SEPTIN2: variants seen among roughly 807,000 people sequenced by gnomAD.
SEPTIN2 encodes septin 2.
A neutral mutation model predicts 46.5 loss-of-function variants in SEPTIN2; 34 were observed. That is an observed-to-expected ratio of 0.73 (90% CI 0.56 to 0.97). The LOEUF is 0.97. Among genes scored for constraint, SEPTIN2 ranks in the 50% least tolerant of loss-of-function variants. The probability of loss-of-function intolerance (pLI) is 0.00; values close to 1 mark genes in which losing one functional copy is unlikely to be tolerated. For synonymous variants in SEPTIN2, 175 were observed against 153.4 expected (o/e 1.14, Z -1.04); for missense variants, 347 against 448.4 (o/e 0.77, Z 2.04).
intron 3 of SEPTIN2, among the ~76,000 whole-genome samples, chr2:241,326,843 C>T (rs1039812348): frequency 1.3e-5 from 2 of 152,100 alleles, no homozygotes; most frequent in African/African-American, 2.4e-5. Context: ...AATCTTAGCA[C>T]TTTGGGAGGC....
intron 1 of SEPTIN2, among the ~76,000 whole-genome samples, chr2:241,319,519 T>G (rs1243282201): frequency 6.6e-6 from 1 of 152,274 alleles, no homozygotes; most frequent in Non-Finnish European, 1.5e-5. Context: ...TTAAATAGAT[T>G]TAATTTTCTA....
intron 11 of SEPTIN2, among the ~76,000 whole-genome samples, chr2:241,349,221 T>C (rs1353473333): frequency 6.6e-6 from 1 of 151,752 alleles, no homozygotes; most frequent in Non-Finnish European, 1.5e-5. Flanking sequence ...AAAAAATAAT[T>C]AGCCATGCAT....
chr2:241,351,939 TAA>T (rs1031206641), intron 12 of SEPTIN2, 26 bp from the exon 13 acceptor site: 4 of 152,578 alleles, frequency 2.6e-5, no homozygotes, highest in African/African-American at 7.2e-5. Context: ...CACTCCCACT[TAA>T]GTGTGTTTTG....
Position 241,324,215 on chromosome 2 carries a change from G to A in SEPTIN2, c.-17-1G>A. The A allele has an allele frequency of 3.1e-6, 5 of 1,609,920 alleles. No homozygotes were observed. Among genetic ancestry groups the A allele is most frequent in the Non-Finnish European group, 4.2e-6 (5 of 1,178,594 alleles). On this transcript the variant is annotated splice_acceptor_variant, in intron 1 of 12. Coordinates refer to ENST00000391971, the MANE Select transcript of SEPTIN2 (RefSeq NM_004404.5). LOFTEE classifies it low-confidence loss of function (5UTR_SPLICE). ...GTGTCTGTGTGTTTTTTTTTTAACA[G>A]ACGAAGCTTCACAAAAGATGTCTAA...
Position 241,353,731 on chromosome 2 carries a change from G to A in SEPTIN2, c.*1794G>A, listed in dbSNP as rs574897049. On this transcript the variant is annotated 3_prime_UTR_variant, in exon 13 of 13. Transcript: ENST00000391971. ...ACTTTGCTGGAAAATCTGTAAAAAAGAAAAACAAGTTTGCTAGTGACTAAG... is the reference window on the plus strand; with the variant it reads ...ACTTTGCTGGAAAATCTGTAAAAAAAAAAAACAAGTTTGCTAGTGACTAAG... 6.5e-6 allele frequency: 1 copy of A among 153,238 alleles called. No homozygotes were observed. Among genetic ancestry groups the A allele is most frequent in the East Asian group, 1.9e-4 (1 of 5,180 alleles). The allele number at this position is 153,238 out of a possible 1,614,324, so 9.5% of individuals were successfully genotyped here. A position where few individuals can be genotyped will look rare whatever the true frequency, so the allele number is the denominator to read the frequency against.
intron 1 of SEPTIN2, chr2:241,320,126 T>C: frequency 2.3e-6 from 1 of 432,072 alleles, no homozygotes. Flanking sequence ...TTTGTTCCTT[T>C]CTTATGTCTC....
intron 1 of SEPTIN2, among the ~76,000 whole-genome samples, chr2:241,321,596 C>T (rs75370585): frequency 0.034 from 5,066 of 150,512 alleles, 510 homozygotes; most frequent in Admixed American, 0.19. Context: ...CTTGGTTTTT[C>T]AGGCCAATCT....
chr2:241,352,628 GGTT>G lies in SEPTIN2; in HGVS notation c.*695_*697del. 1 of 152,326 alleles carries G rather than the reference GGTT, an allele frequency of 6.6e-6. No homozygotes were observed. Among genetic ancestry groups the G allele is most frequent in the South Asian group, 2.1e-4 (1 of 4,828 alleles). The allele number at this position is 152,326 out of a possible 1,614,324, so 9.4% of individuals were successfully genotyped here. A position where few individuals can be genotyped will look rare whatever the true frequency, so the allele number is the denominator to read the frequency against. On this transcript the variant is annotated 3_prime_UTR_variant, in exon 13 of 13. Transcript: ENST00000391971. Reference sequence around the variant, plus strand: ...AAGAAGTCTCTTAATTCTGATGCTAGGTTGTTTTTAAAACCACTATGCAAAGAA... The same window carrying G: ...AAGAAGTCTCTTAATTCTGATGCTAGGTTTTTAAAACCACTATGCAAAGAA...
rs866764854 is a variant in SEPTIN2 at position 241,337,677 on chromosome 2, A to C, written c.481A>C (p.Lys161Gln). 1.9e-6 allele frequency: 3 copies of C among 1,610,756 alleles called. No homozygotes were observed. Among genetic ancestry groups the C allele is most frequent in the Admixed American group, 1.7e-5 (1 of 59,574 alleles). The change falls in exon 7 of 13, where the codon AAG (lysine) becomes CAG (glutamine). Residue 161 changes from lysine to glutamine, a missense_variant. Coordinates refer to ENST00000391971, the MANE Select transcript of SEPTIN2 (RefSeq NM_004404.5). ...CAATTCTAAAATTAATTTTAGACTT[A>C]AGCCCTTAGATGTGGCGTTTATGAA... The part of the protein sequence containing the change: ...YFISPFGHGL[K>Q]PLDVAFMKAI...
chr2:241,325,187 A>G (rs762848138), intron 2 of SEPTIN2: 3 of 152,200 alleles, frequency 2.0e-5, no homozygotes, highest in Non-Finnish European at 4.4e-5. Context: ...ATGTAATCCT[A>G]AAGGAAATAC....
At chr2:241,329,217 C>G (rs1293287809) in intron 3 of SEPTIN2, among the ~76,000 whole-genome samples, 1 of 151,774 alleles carries the variant, frequency 6.6e-6, no homozygotes, top group African/African-American at 2.4e-5. Context: ...GCTCCACCTC[C>G]CGGGTTCACG....
chr2:241,338,722 TATTA>T (rs949282626), intron 7 of SEPTIN2, among the ~76,000 whole-genome samples: 11 of 106,124 alleles, frequency 1.0e-4, no homozygotes, highest in African/African-American at 3.5e-4. Context: ...TTATATAATA[TATTA>T]TATATATTAT....
intron 1 of SEPTIN2, among the ~76,000 whole-genome samples, chr2:241,318,985 C>T (rs550875197): frequency 1.2e-4 from 19 of 152,140 alleles, no homozygotes; most frequent in African/African-American, 4.3e-4. Context: ...CATGAGCTAC[C>T]GCACCCAGCC....
At chr2:241,348,337 C>T (rs931100917) in intron 11 of SEPTIN2, 146 bp downstream of exon 11, 1 of 479,834 alleles carries the variant, frequency 2.1e-6, no homozygotes, top group African/African-American at 2.1e-5. Flanking sequence ...AAGTGATTCT[C>T]CTGCCTCAGC....
intron 3 of SEPTIN2, among the ~76,000 whole-genome samples, chr2:241,327,240 T>A (rs1336415336): frequency 1.3e-5 from 2 of 151,846 alleles, no homozygotes; most frequent in East Asian, 3.9e-4. Flanking sequence ...AGAACTCTAT[T>A]ACTTAAAGGA....
intron 7 of SEPTIN2, among the ~76,000 whole-genome samples, chr2:241,338,786 T>TTATTTATATATAATACATATTATATTTA (rs2080626610): frequency 8.7e-6 from 1 of 114,470 alleles, no homozygotes; most frequent in Non-Finnish European, 1.6e-5. Flanking sequence ...TATATTTATA[T>TTATTTATATATAATACATATTATATTTA]TATTTATATA....
chr2:241,338,658 A>C (rs1439300093), intron 7 of SEPTIN2, among the ~76,000 whole-genome samples: 2 of 128,548 alleles, frequency 1.6e-5, no homozygotes, highest in Non-Finnish European at 3.1e-5. Flanking sequence ...TTACATATAT[A>C]TTATATCTAT....
In SEPTIN2 at chr2:241,318,702, CTTTTTTT is replaced by C. The variant is rs1284874061; in HGVS notation, c.-18+2731_-18+2737del. ...TTTTTAACCAGAGTATTTGTATTTT[CTTTTTTT>C]TTTTTTTTTTGAGACAAAGTCTTGC... On this transcript the variant is annotated intron_variant, in intron 1 of 12. Coordinates refer to ENST00000391971, the MANE Select transcript of SEPTIN2 (RefSeq NM_004404.5). 1.3e-3 allele frequency among the ~76,000 whole-genome samples: 170 copies of C among 132,414 alleles called. 1 individual carries two copies. Among genetic ancestry groups the C allele is most frequent in the African/African-American group, 4.2e-3 (153 of 36,022 alleles). The allele number at this position is 132,414 out of a possible 152,430, so 86.9% of individuals were successfully genotyped here.
rs185046859 is a variant in SEPTIN2, at chr2:241,345,606, A to T, written c.843-560A>T. Among the ~76,000 whole-genome samples, 793 of 152,322 alleles carry T rather than the reference A, an allele frequency of 5.2e-3. 3 individuals are homozygous for T. Among genetic ancestry groups the T allele is most frequent in the African/African-American group, 0.017 (700 of 41,568 alleles). ...TGAATAAGCTAGGCAATTAAAAAAAATTTTTTAAGAGTGCTTCATAAGATG... is the reference window on the plus strand; with the variant it reads ...TGAATAAGCTAGGCAATTAAAAAAATTTTTTTAAGAGTGCTTCATAAGATG... On this transcript the variant is annotated intron_variant, in intron 9 of 12. Transcript: ENST00000391971.
Sources: allele counts gnomAD v4.1 joint callset (sites outside exome capture counted in the v4.1 genomes callset), GRCh38; gene constraint gnomAD v4.1.1; transcripts MANE v1.5; gene names NCBI Gene and HGNC (gene_info 2026-07-23, HGNC 2026-07-21).